The following DERA variants were observed in gnomAD, a reference collection of about 807,000 sequenced individuals.
DERA encodes the protein deoxyribose-phosphate aldolase.
Under a neutral mutation model 41.1 loss-of-function variants are expected in DERA, and 15 were observed. That is an observed-to-expected ratio of 0.37 (90% CI 0.24 to 0.56). DERA has a LOEUF of 0.56. Among genes scored for constraint, DERA ranks in the 20% least tolerant of loss-of-function variants. The pLI, the probability that DERA is intolerant of heterozygous loss-of-function variation, is 0.81. For synonymous variants in DERA, 139 were observed against 137.4 expected (o/e 1.01, Z -0.08); for missense variants, 396 against 403.4 (o/e 0.98, Z 0.16).
chr12:16,023,032 C>T (rs1382814608), intron 6 of DERA, among the ~76,000 whole-genome samples: 1 of 152,200 alleles, frequency 6.6e-6, no homozygotes, highest in East Asian at 1.9e-4. Context: ...GGCATTTCCT[C>T]TCTAGTCTTT....
At chr12:16,027,641 T>TC (rs1406985853) in intron 6 of DERA, among the ~76,000 whole-genome samples, 3 of 152,314 alleles carry the variant, frequency 2.0e-5, no homozygotes, top group South Asian at 4.1e-4. Flanking sequence ...CCCTAGAGTC[T>TC]CCACAGAGAG....
Position 16,012,921 on chromosome 12 carries a change from ATTGTATTTTT to A in DERA, c.638-19613_638-19604del. Among the ~76,000 whole-genome samples the A allele has an allele frequency of 6.6e-6, 1 of 152,290 alleles. No homozygotes were observed. The highest frequency in any genetic ancestry group is 2.1e-4 in the South Asian group (1 of 4,822). On this transcript the variant is annotated intron_variant, in intron 6 of 8. Coordinates refer to ENST00000428559, the MANE Select transcript of DERA (RefSeq NM_015954.4). The surrounding 1 kb of genome is among the most constrained non-coding windows in gnomAD (Gnocchi z 4.1). ...TATAAAAATTATTGAGATTTATTAC[ATTGTATTTTT>A]TTGTATTAGTTCCTCAAATCCCCGT...
intron 1 of DERA, among the ~76,000 whole-genome samples, chr12:15,934,732 A>G (rs950959826): frequency 3.3e-5 from 5 of 152,242 alleles, no homozygotes; most frequent in Non-Finnish European, 7.3e-5. Flanking sequence ...TTTCTCAAAC[A>G]ACTTTTGATA....
chr12:16,029,555 G>A (rs1949076593), intron 6 of DERA, among the ~76,000 whole-genome samples: 1 of 152,140 alleles, frequency 6.6e-6, no homozygotes, highest in Non-Finnish European at 1.5e-5. Flanking sequence ...AGTTAAAGGT[G>A]GAAAATACTG....
chr12:15,950,694 G>A (rs929943015), intron 1 of DERA, among the ~76,000 whole-genome samples: 12 of 152,122 alleles, frequency 7.9e-5, no homozygotes, highest in Admixed American at 7.2e-4. Context: ...CTGCTCAAAT[G>A]TTTTATTATC....
Position 15,935,724 on chromosome 12 carries a change from A to C in DERA, c.32-21212A>C, listed in dbSNP as rs1037978398. ...CTAGAATCTTTTCATATTGGTTTCT[A>C]TATGTTGTTTGTTGTTGTGTAATAT... On this transcript the variant is annotated intron_variant, in intron 1 of 8. Coordinates refer to ENST00000428559, the MANE Select transcript of DERA (RefSeq NM_015954.4). The surrounding 1 kb of genome is among the most constrained non-coding windows in gnomAD (Gnocchi z 4.8). Among the ~76,000 whole-genome samples, 1 of 152,140 alleles carries C rather than the reference A, an allele frequency of 6.6e-6. No individual in the cohort carries two copies. The highest frequency in any genetic ancestry group is 2.4e-5 in the African/African-American group (1 of 41,424).
chr12:15,925,366 C>A (rs1201768113), intron 1 of DERA, among the ~76,000 whole-genome samples: 2 of 151,772 alleles, frequency 1.3e-5, no homozygotes, highest in South Asian at 2.1e-4. Context: ...AAATTTTCTT[C>A]TTATTATTTT....
In DERA at chr12:15,913,630, A is replaced by C. The variant is rs559158323; in HGVS notation, c.31+2216A>C. On this transcript the variant is annotated intron_variant, in intron 1 of 8. Coordinates refer to ENST00000428559, the MANE Select transcript of DERA (RefSeq NM_015954.4). This position sits in a 1 kb window ranked among gnomAD's most constrained non-coding sequence, Gnocchi z 4.5. Reference sequence around the variant, plus strand: ...TATTATTACTAGTCCAATCACTGTTATTTATGATTTGGTGTATGTACTTCT... The same window carrying C: ...TATTATTACTAGTCCAATCACTGTTCTTTATGATTTGGTGTATGTACTTCT... Among the ~76,000 whole-genome samples the C allele has an allele frequency of 2.0e-5, 3 of 152,228 alleles. No homozygotes were observed. The highest frequency in any genetic ancestry group is 4.4e-5 in the Non-Finnish European group (3 of 68,042).
At chr12:15,973,906 A>T (rs1231006838) in intron 5 of DERA, among the ~76,000 whole-genome samples, 3 of 152,144 alleles carry the variant, frequency 2.0e-5, no homozygotes, top group Non-Finnish European at 2.9e-5. Flanking sequence ...CAACAAACAT[A>T]TCAAATTATT....
In DERA at chr12:15,958,310, A is replaced by G; in HGVS notation, c.252A>G (p.Leu84=). 1 of 1,604,308 alleles carries G rather than the reference A, an allele frequency of 6.2e-7. No individual in the cohort carries two copies. The highest frequency in any genetic ancestry group is 8.5e-7 in the Non-Finnish European group (1 of 1,175,630). The change falls in exon 3 of 9, where the codon TTA becomes TTG. Residue 84 remains leucine (L), a synonymous_variant. Transcript: ENST00000428559. ...KAKYPIREDL[L]KALNMHDKGI... ...AATACCCAATCCGGGAAGATCTCTT[A>G]AAAGCTTTAAATATGCATGATAAAG...
rs1254007667 is a variant in DERA, at chr12:15,938,475, A to G, written c.32-18461A>G. 6.6e-6 allele frequency among the ~76,000 whole-genome samples: 1 copy of G among 152,102 alleles called. No homozygotes were observed. Among genetic ancestry groups the G allele is most frequent in the East Asian group, 1.9e-4 (1 of 5,192 alleles). On this transcript the variant is annotated intron_variant, in intron 1 of 8. Transcript: ENST00000428559. The surrounding 1 kb of genome is among the most constrained non-coding windows in gnomAD (Gnocchi z 4.1). Reference sequence around the variant, plus strand: ...ATAAAACAACACAAGTTGAATTATTACTCTGCTTTAATAAGCTTCTTAGCT... The same window carrying G: ...ATAAAACAACACAAGTTGAATTATTGCTCTGCTTTAATAAGCTTCTTAGCT...
Position 15,995,768 on chromosome 12 carries a change from G to A in DERA, c.637+13332G>A, listed in dbSNP as rs923920103. 6.6e-6 allele frequency among the ~76,000 whole-genome samples: 1 copy of A among 152,284 alleles called. No individual in the cohort carries two copies. Among genetic ancestry groups the A allele is most frequent in the Middle Eastern group, 3.4e-3 (1 of 294 alleles). On this transcript the variant is annotated intron_variant, in intron 6 of 8. Transcript: ENST00000428559. This position sits in a 1 kb window ranked among gnomAD's most constrained non-coding sequence, Gnocchi z 5.1. Reference sequence around the variant, plus strand: ...TGAACCCTTCTCATGAAGAGTGGTTGGAAAGAAAGTGGACATCTAATTAGG... The same window carrying A: ...TGAACCCTTCTCATGAAGAGTGGTTAGAAAGAAAGTGGACATCTAATTAGG...
chr12:15,974,030 CT>C (rs1347076397), intron 5 of DERA, among the ~76,000 whole-genome samples: 4 of 151,988 alleles, frequency 2.6e-5, no homozygotes, highest in Non-Finnish European at 4.4e-5. Flanking sequence ...ATCCCATTTC[CT>C]TTTTTTGACT....
chr12:15,936,131 T>C lies in DERA; in HGVS notation c.32-20805T>C, dbSNP rs1012424825. ...ACCAAATATTGAAGTCACACGTGGGTATTTCCACAATCTCCACTTGGTTAC... is the reference window on the plus strand; with the variant it reads ...ACCAAATATTGAAGTCACACGTGGGCATTTCCACAATCTCCACTTGGTTAC... On this transcript the variant is annotated intron_variant, in intron 1 of 8. Coordinates refer to ENST00000428559, the MANE Select transcript of DERA (RefSeq NM_015954.4). This position sits in a 1 kb window ranked among gnomAD's most constrained non-coding sequence, Gnocchi z 4.6. 1.3e-5 allele frequency among the ~76,000 whole-genome samples: 2 copies of C among 152,232 alleles called. No homozygotes were observed. Among genetic ancestry groups the C allele is most frequent in the African/African-American group, 4.8e-5 (2 of 41,470 alleles).
At chr12:15,925,796 A>G (rs1948277567) in intron 1 of DERA, among the ~76,000 whole-genome samples, 1 of 147,454 alleles carries the variant, frequency 6.8e-6, no homozygotes, top group Non-Finnish European at 1.5e-5. Context: ...GTTTTCATGC[A>G]GTGAGGCCCT....
At chr12:15,961,812 C>T (rs1036030600) in intron 4 of DERA, among the ~76,000 whole-genome samples, 11 of 152,148 alleles carry the variant, frequency 7.2e-5, no homozygotes, top group African/African-American at 2.2e-4. Flanking sequence ...GGCGCGATCT[C>T]GGCTCACTGC....
chr12:16,023,070 G>A (rs540090433), intron 6 of DERA, among the ~76,000 whole-genome samples: 2 of 152,254 alleles, frequency 1.3e-5, no homozygotes, highest in East Asian at 3.9e-4. Context: ...GCGGAGAAAA[G>A]CTAAGAAACA....
chr12:16,034,605 T>A (rs1486760284), intron 7 of DERA, among the ~76,000 whole-genome samples: 1 of 152,194 alleles, frequency 6.6e-6, no homozygotes, highest in Non-Finnish European at 1.5e-5. Flanking sequence ...TGGGCAGCCC[T>A]TAGACTATAA....
intron 1 of DERA, among the ~76,000 whole-genome samples, chr12:15,914,007 C>G (rs924755922): frequency 6.6e-5 from 10 of 152,130 alleles, no homozygotes; most frequent in Non-Finnish European, 1.2e-4. Context: ...ATGCAGGTGT[C>G]ACGTGGGTAG....
Sources: gnomAD v4.1 joint callset for allele counts (sites outside exome capture counted in the v4.1 genomes callset) on GRCh38, gnomAD v4.1.1 for gene constraint, Gnocchi (gnomAD v3.1) non-coding constraint, MANE v1.5 for transcripts, NCBI Gene and HGNC (gene_info 2026-07-23, HGNC 2026-07-21) for gene names.